ZBTB44: variants seen among roughly 807,000 people sequenced by gnomAD.
ZBTB44 encodes zinc finger and BTB domain-containing protein 44.
Under a neutral mutation model 54.0 loss-of-function variants are expected in ZBTB44, and 15 were observed. The observed-to-expected ratio is 0.28, with a 90% confidence interval of 0.19 to 0.43. The LOEUF (loss-of-function observed/expected upper bound fraction) is 0.43. Among genes scored for constraint, ZBTB44 ranks in the 20% least tolerant of loss-of-function variants. The probability of loss-of-function intolerance (pLI) is 1.00; values close to 1 mark genes in which losing one functional copy is unlikely to be tolerated. For missense variants in ZBTB44, 487 were observed against 707.1 expected, an observed-to-expected ratio of 0.69 and a Z score of 3.53; for synonymous variants, 230 against 250.1, an observed-to-expected ratio of 0.92 and a Z score of 0.76.
chr11:130,252,910 T>C (rs1938138030), intron 2 of ZBTB44, among the ~76,000 whole-genome samples: 1 of 152,144 alleles, frequency 6.6e-6, no homozygotes, highest in Non-Finnish European at 1.5e-5. Flanking sequence ...TGGTTCAACA[T>C]ATGCAAATCA....
At chr11:130,282,138 C>A (rs983831240) in intron 1 of ZBTB44, among the ~76,000 whole-genome samples, 1 of 152,272 alleles carries the variant, frequency 6.6e-6, no homozygotes, top group East Asian at 1.9e-4. Flanking sequence ...ATTTTTGTGG[C>A]AGAATATACA....
intron 2 of ZBTB44, among the ~76,000 whole-genome samples, chr11:130,260,347 A>G (rs1023649219): frequency 6.6e-6 from 1 of 152,238 alleles, no homozygotes; most frequent in Non-Finnish European, 1.5e-5. Flanking sequence ...TACTTATTGC[A>G]TAAGACCCAC....
chr11:130,247,526 A>C (rs1028400606), intron 2 of ZBTB44, among the ~76,000 whole-genome samples: 18 of 152,224 alleles, frequency 1.2e-4, no homozygotes, highest in Admixed American at 1.1e-3. Flanking sequence ...CTAGGCTAAC[A>C]CCTGCTCTGA....
rs570384187 is a variant in ZBTB44 at position 130,295,644 on chromosome 11, G to A, written c.-57+18731C>T. ...AACTCTGAAGTTAAAAAAAAAAATG[G>A]GTTTTACCAACATGACTGAAATTCA... On this transcript the variant is annotated intron_variant, in intron 1 of 7. Coordinates refer to ENST00000357899, the MANE Select transcript of ZBTB44 (RefSeq NM_001301098.2). 171 of 1,058,712 alleles carry A rather than the reference G, an allele frequency of 1.6e-4. 3 individuals carry two copies. In the South Asian group the frequency reaches 2.1e-3, roughly 13 times the overall value. The allele number at this position is 1,058,712 out of a possible 1,614,324, so 65.6% of individuals were successfully genotyped here.
rs1402287754 is a variant in ZBTB44, at chr11:130,230,874, T to C, written c.*890A>G. The C allele has an allele frequency of 6.6e-6, 1 of 152,106 alleles. No homozygotes were observed. Among genetic ancestry groups the C allele is most frequent in the Non-Finnish European group, 1.5e-5 (1 of 67,958 alleles). 9.4% of individuals were successfully genotyped at this position (152,106 alleles called of 1,614,324 possible). A position where few individuals can be genotyped will look rare whatever the true frequency, so the allele number is the denominator to read the frequency against. On this transcript the variant is annotated 3_prime_UTR_variant, in exon 8 of 8. Transcript: ENST00000357899. ...CATCCATTATCATGGGTGAACATCT[T>C]TGTTTACTTCTAAAGTACATCACAC...
chr11:130,274,027 T>C (rs941450155), intron 1 of ZBTB44, among the ~76,000 whole-genome samples: 1 of 151,900 alleles, frequency 6.6e-6, no homozygotes, highest in Admixed American at 6.6e-5. Context: ...GGCGGAGGTT[T>C]CAGTGAGCCA....
intron 1 of ZBTB44, among the ~76,000 whole-genome samples, chr11:130,306,930 T>C (rs1179741255): frequency 6.6e-6 from 1 of 151,754 alleles, no homozygotes; most frequent in African/African-American, 2.4e-5. Flanking sequence ...AGACTACACA[T>C]TGGGTACAGC....
intron 4 of ZBTB44, among the ~76,000 whole-genome samples, chr11:130,237,457 G>C (rs1365623083): frequency 2.0e-5 from 3 of 152,098 alleles, no homozygotes; most frequent in Admixed American, 6.5e-5. Flanking sequence ...TTTCATTAGA[G>C]GTTTACATTG....
At chr11:130,268,175 C>T (rs1478690136) in intron 1 of ZBTB44, among the ~76,000 whole-genome samples, 2 of 148,836 alleles carry the variant, frequency 1.3e-5, no homozygotes, top group South Asian at 2.2e-4. Flanking sequence ...AGGAAGACTA[C>T]TTGAGCCCAG....
chr11:130,306,947 T>TGC (rs1350773135), intron 1 of ZBTB44, among the ~76,000 whole-genome samples: 2 of 151,462 alleles, frequency 1.3e-5, no homozygotes, highest in Admixed American at 1.3e-4. Context: ...CAGCGTACAC[T>TGC]GCTCAGGTGA....
At chr11:130,309,400 G>A (rs1211036245) in intron 1 of ZBTB44, among the ~76,000 whole-genome samples, 1 of 152,162 alleles carries the variant, frequency 6.6e-6, no homozygotes, top group East Asian at 1.9e-4. Flanking sequence ...CTGATAAACT[G>A]CCTAATTGTG....
intron 1 of ZBTB44, among the ~76,000 whole-genome samples, chr11:130,312,134 C>G (rs986500396): frequency 6.6e-6 from 1 of 152,120 alleles, no homozygotes; most frequent in Non-Finnish European, 1.5e-5. Context: ...CAATAGTTTA[C>G]CTGCACTTAA....
At chr11:130,285,193 T>G (rs564856654) in intron 1 of ZBTB44, 2 of 167,654 alleles carry the variant, frequency 1.2e-5, no homozygotes, top group East Asian at 3.7e-4. Flanking sequence ...TACTAAGGAG[T>G]TTTTGGTTTT....
intron 1 of ZBTB44, chr11:130,296,485 G>A (rs1416384794): frequency 4.9e-6 from 5 of 1,011,528 alleles, no homozygotes; most frequent in Non-Finnish European, 7.5e-6. Flanking sequence ...GGAACACATT[G>A]TGTACGGATG....
At chr11:130,234,489 A>C (rs1012814079) in intron 5 of ZBTB44, among the ~76,000 whole-genome samples, 1 of 152,170 alleles carries the variant, frequency 6.6e-6, no homozygotes, top group Non-Finnish European at 1.5e-5. Flanking sequence ...CTTCCCCACC[A>C]CCAATACATC....
intron 1 of ZBTB44, among the ~76,000 whole-genome samples, chr11:130,291,781 T>C (rs923934572): frequency 6.6e-6 from 1 of 152,184 alleles, no homozygotes; most frequent in Non-Finnish European, 1.5e-5. Context: ...CCAGCATAGG[T>C]TCTTTAAAAA....
rs756772378 is a variant in ZBTB44, at chr11:130,261,893, A to C, written c.-20T>G. On this transcript the variant is annotated 5_prime_UTR_variant, in exon 2 of 8. Transcript: ENST00000357899. This position sits in a 1 kb window ranked among gnomAD's most constrained non-coding sequence, Gnocchi z 4.8. ...ACCCATCTTTTACTTCCTCTTCTAC[A>C]GATGCTCTTCAAGGATGCAAATAAA... The C allele has an allele frequency of 1.9e-5, 30 of 1,581,998 alleles. No individual in the cohort carries two copies. The highest frequency in any genetic ancestry group is 2.3e-5 in the Non-Finnish European group (27 of 1,163,288).
At chr11:130,281,559 A>ATAAATAAG (rs1253352701) in intron 1 of ZBTB44, among the ~76,000 whole-genome samples, 13 of 149,270 alleles carry the variant, frequency 8.7e-5, no homozygotes, top group African/African-American at 2.9e-4. Flanking sequence ...AAATAAATAA[A>ATAAATAAG]TAAATATTTT....
At chr11:130,260,126 G>C (rs1299880392) in intron 2 of ZBTB44, among the ~76,000 whole-genome samples, 1 of 152,108 alleles carries the variant, frequency 6.6e-6, no homozygotes, top group South Asian at 2.1e-4. Context: ...ACTAGGATTC[G>C]AGGCTCTTTA....
Sources: allele counts gnomAD v4.1 joint callset (sites outside exome capture counted in the v4.1 genomes callset), GRCh38; gene constraint gnomAD v4.1.1; non-coding constraint Gnocchi (gnomAD v3.1); transcripts MANE v1.5; gene names NCBI Gene and HGNC (gene_info 2026-07-23, HGNC 2026-07-21).